Variants in CEP162 observed in about 807,000 individuals in gnomAD.
CEP162 encodes centrosomal protein 162.
Under a neutral mutation model 169.2 loss-of-function variants are expected in CEP162, and 141 were observed. The observed-to-expected ratio is 0.83, with a 90% CI of 0.73 to 0.96. The LOEUF (loss-of-function observed/expected upper bound fraction) is 0.96. Among genes scored for constraint, CEP162 ranks in the 40% least tolerant of loss-of-function variants. CEP162 has a pLI of 0.00. For synonymous variants in CEP162, 540 were observed against 526.4 expected (o/e 1.03, Z -0.35); for missense variants, 1,600 against 1,587.2 (o/e 1.01, Z -0.14).
rs113780376 is a variant in CEP162 at position 84,128,104 on chromosome 6, C to T, written c.3871-1592G>A. Among the ~76,000 whole-genome samples the T allele has an allele frequency of 6.6e-3, 1,005 of 152,300 alleles. 7 individuals are homozygous for T. Among genetic ancestry groups the T allele is most frequent in the African/African-American group, 0.023 (954 of 41,566 alleles). The stretch of plus-strand genomic sequence containing the variant: ...TCACCTCACTATTCCTAGCACCCAG[C>T]GCTGCCCATGGCAGAGAGGTAGGTG... On this transcript the variant is annotated intron_variant, in intron 25 of 26. Transcript: ENST00000403245.
At chr6:84,168,039 T>C (rs1026962016) in intron 18 of CEP162, among the ~76,000 whole-genome samples, 5 of 152,078 alleles carry the variant, frequency 3.3e-5, no homozygotes, top group African/African-American at 4.8e-5. Context: ...AAGATATTTA[T>C]TATATTTTTT....
At chr6:84,149,324 T>C (rs1345390752) in intron 24 of CEP162, among the ~76,000 whole-genome samples, 1 of 152,102 alleles carries the variant, frequency 6.6e-6, no homozygotes, top group African/African-American at 2.4e-5. Context: ...AAAATATTTA[T>C]TTATATGGTG....
At chr6:84,218,086 T>G (rs1282607102) in intron 3 of CEP162, among the ~76,000 whole-genome samples, 12 of 152,190 alleles carry the variant, frequency 7.9e-5, no homozygotes, top group Non-Finnish European at 1.8e-4. Context: ...GAAGGAATTA[T>G]ATAAGATTAA....
intron 13 of CEP162, among the ~76,000 whole-genome samples, chr6:84,175,593 T>C (rs187096680): frequency 1.6e-4 from 25 of 152,300 alleles, no homozygotes; most frequent in African/African-American, 5.5e-4. Flanking sequence ...CTCATGTCAA[T>C]TGACAAATGG....
Position 84,214,387 on chromosome 6 carries a change from T to C in CEP162, c.503+895A>G, listed in dbSNP as rs140279444. Among the ~76,000 whole-genome samples, 8 of 152,288 alleles carry C rather than the reference T, an allele frequency of 5.3e-5. No individual in the cohort carries two copies. In the East Asian group the frequency reaches 5.8e-4, roughly 11 times the overall value. ...CTTTGACTTGCCCTCAGCATAATCATAGGGCATGGGGAACCAATGCGAACA... is the reference window on the plus strand; with the variant it reads ...CTTTGACTTGCCCTCAGCATAATCACAGGGCATGGGGAACCAATGCGAACA... On this transcript the variant is annotated intron_variant, in intron 5 of 26. Transcript: ENST00000403245.
rs182371072 is a variant in CEP162 at position 84,224,888 on chromosome 6, A to C, written c.57+1449T>G. The stretch of plus-strand genomic sequence containing the variant: ...CATTCCTATAAATTTAATTTTCAAA[A>C]TGTGTCTGTATTTGAAATTTTAAAA... On this transcript the variant is annotated intron_variant, in intron 2 of 26. Transcript: ENST00000403245. 1.6e-4 allele frequency among the ~76,000 whole-genome samples: 24 copies of C among 152,330 alleles called. No homozygotes were observed. In the East Asian group the frequency reaches 4.6e-3, roughly 29 times the overall value.
Position 84,171,644 on chromosome 6 carries a change from C to A in CEP162, c.2241G>T (p.Lys747Asn), listed in dbSNP as rs377095983. ...QNKKNEERMF[K>N]ENQSLFSEVA... is the part of the protein sequence containing the mutation. The stretch of plus-strand genomic sequence containing the variant: ...CCTCACTGAATAAACTTTGGTTTTC[C>A]TTAAACATTCGCTCCTCATTTTTCT... Residue 747 changes from lysine (K) to asparagine (N), a missense_variant, in exon 17 of 27, where the codon AAG becomes AAT. Coordinates refer to ENST00000403245, the MANE Select transcript of CEP162 (RefSeq NM_014895.4). 2 of 1,550,514 alleles carry A rather than the reference C, an allele frequency of 1.3e-6. No homozygotes were observed. Among genetic ancestry groups the A allele is most frequent in the Non-Finnish European group, 1.7e-6 (2 of 1,149,730 alleles).
At chr6:84,161,646 T>C in intron 20 of CEP162, 100 bp downstream of exon 20, 1 of 842,596 alleles carries the variant, frequency 1.2e-6, no homozygotes, top group Admixed American at 3.0e-5. Flanking sequence ...AGTTCAGATC[T>C]TAATTAATTA....
At chr6:84,221,890 C>G (rs1485500567) in intron 2 of CEP162, among the ~76,000 whole-genome samples, 1 of 152,084 alleles carries the variant, frequency 6.6e-6, no homozygotes, top group African/African-American at 2.4e-5. Flanking sequence ...CTAGGTTCTT[C>G]CTTCCTTGGT....
At chr6:84,196,177 A>G (rs2099542053) in intron 9 of CEP162, among the ~76,000 whole-genome samples, 1 of 152,158 alleles carries the variant, frequency 6.6e-6, no homozygotes, top group Admixed American at 6.5e-5. Context: ...GTGGGAGGTG[A>G]TAGAATTATG....
chr6:84,169,141 T>C (rs2099528964), intron 18 of CEP162, among the ~76,000 whole-genome samples, 187 bp downstream of exon 18: 1 of 152,200 alleles, frequency 6.6e-6, no homozygotes, highest in South Asian at 2.1e-4. Flanking sequence ...TAATGTTTCC[T>C]CTATACTAAG....
At chr6:84,195,381 C>CT (rs2099541703) in intron 9 of CEP162, among the ~76,000 whole-genome samples, 1 of 152,154 alleles carries the variant, frequency 6.6e-6, no homozygotes, top group Non-Finnish European at 1.5e-5. Context: ...TAAAAAATTC[C>CT]TTTGACGGAT....
chr6:84,211,526 C>CAAAAAA (rs960472453), intron 6 of CEP162, among the ~76,000 whole-genome samples: 17 of 35,438 alleles, frequency 4.8e-4, no homozygotes, highest in South Asian at 1.2e-3. Context: ...GATTCTATCT[C>CAAAAAA]AAAAAAAAAA....
intron 20 of CEP162, 136 bp downstream of exon 20, chr6:84,161,610 A>C: frequency 1.4e-6 from 1 of 709,144 alleles, no homozygotes. Context: ...TATATATCTA[A>C]AAGCAAACCA....
intron 16 of CEP162, among the ~76,000 whole-genome samples, chr6:84,173,387 C>T (rs1378493412): frequency 4.6e-5 from 7 of 152,160 alleles, no homozygotes; most frequent in Admixed American, 4.6e-4. Flanking sequence ...GAAGTTACAT[C>T]CTGATAAGCC....
At chr6:84,147,757 G>A (rs2099519561) in intron 24 of CEP162, among the ~76,000 whole-genome samples, 1 of 152,132 alleles carries the variant, frequency 6.6e-6, no homozygotes, top group Non-Finnish European at 1.5e-5. Context: ...GGTTAAGTAT[G>A]ATAGTTTTTA....
intron 25 of CEP162, among the ~76,000 whole-genome samples, chr6:84,132,351 G>C (rs1023284547): frequency 1.3e-5 from 2 of 152,126 alleles, no homozygotes; most frequent in Non-Finnish European, 2.9e-5. Flanking sequence ...GAGTATCTTT[G>C]TGGTGTTCTC....
Position 84,209,288 on chromosome 6 carries a change from C to T in CEP162, c.571+3669G>A, listed in dbSNP as rs561611586. On this transcript the variant is annotated intron_variant, in intron 6 of 26. Transcript: ENST00000403245. ...TGATTAAGAGTTAAAGTGTTCAGAA[C>T]GGTGGTTGATATGTAATATGCACTG... is the stretch of plus-strand genomic sequence containing the variant. 9.9e-5 allele frequency among the ~76,000 whole-genome samples: 15 copies of T among 151,888 alleles called. No individual in the cohort carries two copies. The South Asian group carries it at 1.9e-3, about 19-fold the overall frequency.
At chr6:84,169,758 G>A (rs1055800249) in intron 17 of CEP162, among the ~76,000 whole-genome samples, 6 of 152,148 alleles carry the variant, frequency 3.9e-5, no homozygotes, top group African/African-American at 1.4e-4. Flanking sequence ...CTGTGGGGTT[G>A]TTAATGCAGT....
Sources: gnomAD v4.1 joint callset for allele counts (sites outside exome capture counted in the v4.1 genomes callset) on GRCh38, gnomAD v4.1.1 for gene constraint, MANE v1.5 for transcripts, NCBI Gene and HGNC (gene_info 2026-07-23, HGNC 2026-07-21) for gene names.